Variants in MBOAT1 observed in about 807,000 individuals in gnomAD.
MBOAT1 encodes the protein membrane bound glycerophospholipid O-acyltransferase 1.
In MBOAT1, 67 loss-of-function variants were observed where a neutral mutation model predicts 64.4. The ratio of observed to expected loss-of-function variants is 1.04; its 90% CI spans 0.85 to 1.27. MBOAT1 has a LOEUF of 1.27. Among genes scored for constraint, MBOAT1 ranks in the 50% most tolerant of loss-of-function variants. The probability of loss-of-function intolerance (pLI) is 0.00; values close to 1 mark genes in which losing one functional copy is unlikely to be tolerated. For synonymous variants in MBOAT1, 229 were observed against 218.9 expected (o/e 1.05, Z -0.41); for missense variants, 563 against 604.6 (o/e 0.93, Z 0.72).
At chr6:20,185,106 T>A (rs1365648705) in intron 1 of MBOAT1, among the ~76,000 whole-genome samples, 2 of 151,898 alleles carry the variant, frequency 1.3e-5, no homozygotes, top group African/African-American at 2.4e-5. Context: ...TTTAATTAGC[T>A]GGGCACAGTG....
At chr6:20,136,925 T>C (rs1272007956) in intron 4 of MBOAT1, among the ~76,000 whole-genome samples, 2 of 152,214 alleles carry the variant, frequency 1.3e-5, no homozygotes, top group Non-Finnish European at 2.9e-5. Flanking sequence ...GGGACATGTA[T>C]TTGTCTTATG....
intron 12 of MBOAT1, among the ~76,000 whole-genome samples, chr6:20,103,445 T>C (rs1759859866): frequency 6.6e-6 from 1 of 152,238 alleles, no homozygotes; most frequent in East Asian, 1.9e-4. Flanking sequence ...GTTTGTTTGT[T>C]GTTGAGATGG....
At chr6:20,140,393 T>C (rs1282010427) in intron 4 of MBOAT1, among the ~76,000 whole-genome samples, 2 of 152,236 alleles carry the variant, frequency 1.3e-5, no homozygotes, top group African/African-American at 4.8e-5. Flanking sequence ...GATGCTCAGA[T>C]AGCTGGTAGA....
At chr6:20,160,067 T>C (rs1761805325) in intron 1 of MBOAT1, among the ~76,000 whole-genome samples, 1 of 152,188 alleles carries the variant, frequency 6.6e-6, no homozygotes, top group Non-Finnish European at 1.5e-5. Flanking sequence ...AAAAGCTCAA[T>C]TTCCACAGCT....
rs780076166 is a variant in MBOAT1, at chr6:20,148,831, G to A, written c.323+2354C>T. On this transcript the variant is annotated intron_variant, in intron 3 of 12. Coordinates refer to ENST00000324607, the MANE Select transcript of MBOAT1 (RefSeq NM_001080480.3). The stretch of plus-strand genomic sequence containing the variant: ...ACCAAGAGGGGCATCAGCCAGGCAC[G>A]GTGGCTCACACCTGTAATCCCAGCA... 2.0e-5 allele frequency among the ~76,000 whole-genome samples: 3 copies of A among 152,116 alleles called. No homozygotes were observed. The South Asian group carries it at 6.2e-4, about 32-fold the overall frequency.
At chr6:20,134,476 GTTAAT>G (rs1760920333) in intron 4 of MBOAT1, among the ~76,000 whole-genome samples, 1 of 151,798 alleles carries the variant, frequency 6.6e-6, no homozygotes, top group Admixed American at 6.6e-5. Flanking sequence ...ATCTAAAGAA[GTTAAT>G]TTAAATATTT....
intron 4 of MBOAT1, among the ~76,000 whole-genome samples, chr6:20,142,887 A>G (rs1761219659): frequency 6.6e-6 from 1 of 152,238 alleles, no homozygotes; most frequent in Non-Finnish European, 1.5e-5. Context: ...AGAAGAACTT[A>G]TGCATGAAAA....
In MBOAT1 at chr6:20,150,809, T is replaced by C. The variant is rs532818766; in HGVS notation, c.323+376A>G. ...GCTGCCCAGGCTGGTCTTGAACTCT[T>C]GACCTCAGGCAATCTGCCCACCTCT... is the stretch of plus-strand genomic sequence containing the variant. On this transcript the variant is annotated intron_variant, in intron 3 of 12. Transcript: ENST00000324607. 3.9e-5 allele frequency among the ~76,000 whole-genome samples: 6 copies of C among 152,068 alleles called. No individual in the cohort carries two copies. In the South Asian group the frequency reaches 1.2e-3, roughly 32 times the overall value.
At chr6:20,172,496 C>T (rs1581442968) in intron 1 of MBOAT1, among the ~76,000 whole-genome samples, 1 of 152,186 alleles carries the variant, frequency 6.6e-6, no homozygotes, top group East Asian at 1.9e-4. Flanking sequence ...CTCATACTAT[C>T]TACACCCTCC....
intron 1 of MBOAT1, among the ~76,000 whole-genome samples, chr6:20,190,475 A>G (rs1402214426): frequency 2.0e-5 from 3 of 152,190 alleles, no homozygotes; most frequent in Non-Finnish European, 2.9e-5. Flanking sequence ...AGGAAGATAA[A>G]GTATTTTTAC....
intron 1 of MBOAT1, among the ~76,000 whole-genome samples, chr6:20,207,894 G>A (rs1382623329): frequency 2.0e-5 from 3 of 152,178 alleles, no homozygotes; most frequent in Admixed American, 2.0e-4. Flanking sequence ...ATACTTACAT[G>A]GGCCTTTTGT....
chr6:20,155,993 G>A (rs1164224554), intron 1 of MBOAT1, among the ~76,000 whole-genome samples: 1 of 152,154 alleles, frequency 6.6e-6, no homozygotes, highest in Non-Finnish European at 1.5e-5. Context: ...TTAGGGTCCA[G>A]CGCGGTGGCT....
At position 20,102,347 on chromosome 6, in the gene MBOAT1, T is replaced by C. The variant is rs1443720412; in HGVS notation, c.1427A>G (p.Gln476Arg). 5.0e-6 allele frequency: 8 copies of C among 1,613,712 alleles called. No individual in the cohort carries two copies. The African/African-American group carries it at 1.1e-4, about 22-fold the overall frequency. The change falls in exon 13 of 13, where the codon CAA becomes CGA. Residue 476 changes from glutamine to arginine, a missense_variant. By Grantham distance (43) the Gln-to-Arg change is conservative. Transcript: ENST00000324607. ...CTGAGGCCGCCTTTGCGTATGAGCT[T>C]GTGGTTTCATTGGCAGAAATAGTAT... ...LIILFLPMKPQAHTQRRPQTL... is the reference protein window; with the variant it reads ...LIILFLPMKPRAHTQRRPQTL...
At chr6:20,107,074 T>G (rs1310620285) in intron 12 of MBOAT1, among the ~76,000 whole-genome samples, 1 of 152,200 alleles carries the variant, frequency 6.6e-6, no homozygotes, top group East Asian at 1.9e-4. Context: ...AAGAACTTTT[T>G]AGTAACTCCA....
At chr6:20,160,486 A>G (rs1261646005) in intron 1 of MBOAT1, among the ~76,000 whole-genome samples, 1 of 152,262 alleles carries the variant, frequency 6.6e-6, no homozygotes, top group African/African-American at 2.4e-5. Context: ...GAAAAAATTA[A>G]CAGAGTGAAG....
chr6:20,168,625 A>G (rs1312906507), intron 1 of MBOAT1, among the ~76,000 whole-genome samples: 3 of 108,462 alleles, frequency 2.8e-5, no homozygotes, highest in African/African-American at 1.0e-4. Context: ...AGAGAAGAGA[A>G]GAGAAGAGAA....
chr6:20,156,253 A>C (rs1226833527), intron 1 of MBOAT1, among the ~76,000 whole-genome samples: 5 of 147,286 alleles, frequency 3.4e-5, no homozygotes, highest in Non-Finnish European at 7.4e-5. Context: ...CCTGGGCGAC[A>C]GGGCGAGACT....
At chr6:20,140,488 G>C (rs768149393) in intron 4 of MBOAT1, among the ~76,000 whole-genome samples, 50 of 152,200 alleles carry the variant, frequency 3.3e-4, no homozygotes, top group African/African-American at 1.1e-3. Flanking sequence ...ATCCACCCTC[G>C]TCAGTGTGGA....
intron 1 of MBOAT1, among the ~76,000 whole-genome samples, chr6:20,159,441 C>G (rs1761785163): frequency 6.6e-6 from 1 of 152,152 alleles, no homozygotes; most frequent in African/African-American, 2.4e-5. Flanking sequence ...TGGAATACTA[C>G]TCAGCCTTTA....
Sources: allele counts gnomAD v4.1 joint callset (sites outside exome capture counted in the v4.1 genomes callset), GRCh38; gene constraint gnomAD v4.1.1; transcripts MANE v1.5; gene names NCBI Gene and HGNC (gene_info 2026-07-23, HGNC 2026-07-21).